The following TFG variants were observed in gnomAD, a reference collection of about 807,000 sequenced individuals.
The protein encoded by TFG is protein TFG.
A neutral mutation model predicts 51.4 loss-of-function variants in TFG; 22 were observed. That is an observed-to-expected ratio of 0.43 (90% CI 0.31 to 0.61). The LOEUF is 0.61. TFG is among the 20% of genes least tolerant of loss of function. The probability of loss-of-function intolerance (pLI) is 0.12; values close to 1 mark genes in which losing one functional copy is unlikely to be tolerated. For missense variants in TFG, 419 were observed against 487.7 expected (o/e 0.86, Z 1.33); for synonymous variants, 187 against 165.6 (o/e 1.13, Z -0.99).
chr3:100,742,299 T>C (rs1377679575), intron 6 of TFG, among the ~76,000 whole-genome samples: 14 of 152,214 alleles, frequency 9.2e-5, no homozygotes. Flanking sequence ...TACCATAGGC[T>C]AATTGATATG....
chr3:100,726,516 A>G (rs746596847), intron 3 of TFG, among the ~76,000 whole-genome samples: 1 of 152,220 alleles, frequency 6.6e-6, no homozygotes, highest in Non-Finnish European at 1.5e-5. Context: ...AAACTTAGCT[A>G]ATTTAAACTT....
intron 6 of TFG, chr3:100,742,710 C>G (rs1247928300): frequency 6.6e-6 from 1 of 152,094 alleles, no homozygotes; most frequent in Non-Finnish European, 1.5e-5. Context: ...AACAGTAACC[C>G]CAACTGGGAA....
At chr3:100,725,338 A>G (rs1430443158) in intron 3 of TFG, among the ~76,000 whole-genome samples, 1 of 152,178 alleles carries the variant, frequency 6.6e-6, no homozygotes, top group Non-Finnish European at 1.5e-5. Context: ...ACTTGGGATA[A>G]ATCTAACATG....
intron 1 of TFG, among the ~76,000 whole-genome samples, chr3:100,712,029 A>G (rs1018642330): frequency 9.2e-5 from 14 of 152,228 alleles, no homozygotes; most frequent in Non-Finnish European, 1.5e-4. Flanking sequence ...TTGCATTAAG[A>G]TAAGCATGGC....
chr3:100,733,332 C>G (rs1177550009), intron 5 of TFG, among the ~76,000 whole-genome samples: 3 of 152,126 alleles, frequency 2.0e-5, no homozygotes, highest in Non-Finnish European at 4.4e-5. Context: ...TTCTGTTGAA[C>G]TCTTCAAGGT....
intron 3 of TFG, among the ~76,000 whole-genome samples, chr3:100,720,268 G>T (rs2095057095): frequency 6.9e-6 from 1 of 145,138 alleles, no homozygotes; most frequent in South Asian, 2.3e-4. Context: ...AGTAAGAACA[G>T]AGTGTTAAGT....
intron 1 of TFG, chr3:100,710,341 C>T (rs1284693617): frequency 2.0e-5 from 3 of 152,246 alleles, no homozygotes; most frequent in South Asian, 2.1e-4. Context: ...CACAAGGATT[C>T]CTCCAAATTC....
chr3:100,735,712 T>C (rs72928638), intron 5 of TFG, among the ~76,000 whole-genome samples: 1,556 of 152,340 alleles, frequency 0.01, 26 homozygotes, highest in African/African-American at 0.036. Flanking sequence ...TGTCACAGCA[T>C]TGGAACTGTA....
chr3:100,736,987 G>A (rs1201247569), intron 6 of TFG, among the ~76,000 whole-genome samples: 2 of 152,194 alleles, frequency 1.3e-5, no homozygotes, highest in Non-Finnish European at 2.9e-5. Flanking sequence ...GACCCTTGGA[G>A]GGGAGGATAG....
At chr3:100,731,138 T>C (rs75172826) in intron 4 of TFG, among the ~76,000 whole-genome samples, 2,219 of 152,320 alleles carry the variant, frequency 0.015, 51 homozygotes, top group African/African-American at 0.05. Context: ...ACATTTTGTA[T>C]TGATTACAGG....
chr3:100,732,750 G>A, intron 5 of TFG, 78 bp downstream of exon 5: 1 of 1,277,334 alleles, frequency 7.8e-7, no homozygotes, highest in Non-Finnish European at 1.1e-6. Flanking sequence ...TTCTTTAATT[G>A]AAGAATAACT....
chr3:100,732,625 A>G lies in TFG; in HGVS notation c.533A>G (p.Asn178Ser), dbSNP rs754187991. The G allele has an allele frequency of 3.7e-6, 6 of 1,612,254 alleles. No individual in the cohort carries two copies. Among genetic ancestry groups the G allele is most frequent in the Admixed American group, 1.7e-5 (1 of 59,718 alleles). The change falls in exon 5 of 8, where the codon AAT becomes AGT. Residue 178 changes from asparagine to serine, a missense_variant. Asn to Ser is a conservative substitution (Grantham distance 46). Coordinates refer to ENST00000240851, the MANE Select transcript of TFG (RefSeq NM_006070.6). ...CCTTTAAAAAACCAAGATGAAATCA[A>G]TAAAAATGTTATGTCAGCGTTTGGC... ...FDPLKNQDEI[N>S]KNVMSAFGLT...
At chr3:100,715,762 C>G (rs1027909227) in intron 2 of TFG, among the ~76,000 whole-genome samples, 6 of 151,408 alleles carry the variant, frequency 4.0e-5, no homozygotes, top group African/African-American at 1.5e-4. Context: ...TCACTCTCAT[C>G]CAGGCTACAG....
chr3:100,732,395 C>A, intron 4 of TFG, 113 bp from the exon 5 acceptor site: 2 of 634,998 alleles, frequency 3.1e-6, no homozygotes, highest in Non-Finnish European at 5.2e-6. Flanking sequence ...TTCCGACATG[C>A]TTAACATTCC....
At chr3:100,745,143 C>T (rs2095131579) in intron 7 of TFG, among the ~76,000 whole-genome samples, 1 of 151,744 alleles carries the variant, frequency 6.6e-6, no homozygotes, top group African/African-American at 2.4e-5. Context: ...ATAAAACTTA[C>T]AGTAGATGAT....
At chr3:100,710,367 C>T (rs1427465010) in intron 1 of TFG, 2 of 152,234 alleles carry the variant, frequency 1.3e-5, no homozygotes, top group African/African-American at 4.8e-5. Context: ...TGGTTGTTTT[C>T]ATTTCGAATG....
At chr3:100,722,303 G>T (rs1012916920) in intron 3 of TFG, among the ~76,000 whole-genome samples, 1 of 152,160 alleles carries the variant, frequency 6.6e-6, no homozygotes, top group African/African-American at 2.4e-5. Flanking sequence ...AAACACATTA[G>T]TCATAGCTAA....
intron 1 of TFG, 176 bp downstream of exon 1, chr3:100,709,897 C>CT (rs1325910983): frequency 4.2e-5 from 2 of 47,928 alleles, no homozygotes; most frequent in Admixed American, 2.9e-4. Context: ...AGGACGAGGC[C>CT]GGGGGGGAGG....
intron 5 of TFG, among the ~76,000 whole-genome samples, chr3:100,735,489 A>G: frequency 6.6e-6 from 1 of 152,226 alleles, no homozygotes; most frequent in East Asian, 1.9e-4. Flanking sequence ...AGGAATTAGT[A>G]TATCCTTTGT....
Sources: allele counts gnomAD v4.1 joint callset (sites outside exome capture counted in the v4.1 genomes callset), GRCh38; gene constraint gnomAD v4.1.1; transcripts MANE v1.5; gene names NCBI Gene and HGNC (gene_info 2026-07-23, HGNC 2026-07-21).